CTNNBL1: variants seen among roughly 807,000 people sequenced by gnomAD.
CTNNBL1 encodes the protein beta-catenin-like protein 1.
Under a neutral mutation model 72.7 loss-of-function variants are expected in CTNNBL1, and 31 were observed. The observed-to-expected ratio is 0.43, with a 90% confidence interval of 0.32 to 0.58. The LOEUF (loss-of-function observed/expected upper bound fraction) is 0.58. Among genes scored for constraint, CTNNBL1 ranks in the 20% least tolerant of loss-of-function variants. CTNNBL1 has a pLI of 0.08. For missense variants in CTNNBL1, 534 were observed against 725.1 expected (o/e 0.74, Z 3.03); for synonymous variants, 240 against 267.3 (o/e 0.90, Z 1.00).
Position 37,738,101 on chromosome 20 carries a change from T to C in CTNNBL1, c.326+617T>C, listed in dbSNP as rs540757587. Among the ~76,000 whole-genome samples, 5 of 152,322 alleles carry C rather than the reference T, an allele frequency of 3.3e-5. No homozygotes were observed. The East Asian group carries it at 5.8e-4, about 18-fold the overall frequency. On this transcript the variant is annotated intron_variant, in intron 3 of 15. Coordinates refer to ENST00000361383, the MANE Select transcript of CTNNBL1 (RefSeq NM_030877.5). ...AGCCCCGCAGTTAACATATTAACTC[T>C]CCTGCATTATTCTTTTCAGTGCCCA...
rs376636685 is a variant in CTNNBL1 at position 37,872,031 on chromosome 20, G to A, written c.*18G>A. On this transcript the variant is annotated 3_prime_UTR_variant, in exon 16 of 16. Coordinates refer to ENST00000361383, the MANE Select transcript of CTNNBL1 (RefSeq NM_030877.5). Reference sequence around the variant, plus strand: ...ACTTCTAGAGGCACCTTGGCCCTGCGCATCATGGACTCTCTCAGCTTCCCT... The same window carrying A: ...ACTTCTAGAGGCACCTTGGCCCTGCACATCATGGACTCTCTCAGCTTCCCT... 58 of 1,599,278 alleles carry A rather than the reference G, an allele frequency of 3.6e-5. No homozygotes were observed. Among genetic ancestry groups the A allele is most frequent in the Middle Eastern group, 1.7e-4 (1 of 6,038 alleles).
intron 10 of CTNNBL1, among the ~76,000 whole-genome samples, chr20:37,802,641 A>G (rs1024498900): frequency 6.6e-6 from 1 of 152,128 alleles, no homozygotes; most frequent in African/African-American, 2.4e-5. Context: ...TTCATGTGTA[A>G]TTGTGGTAAT....
At chr20:37,794,700 C>A (rs1470491111) in intron 10 of CTNNBL1, among the ~76,000 whole-genome samples, 1 of 151,646 alleles carries the variant, frequency 6.6e-6, no homozygotes, top group African/African-American at 2.4e-5. Flanking sequence ...CGGGGTCTCA[C>A]CATGTTGGCC....
intron 1 of CTNNBL1, among the ~76,000 whole-genome samples, chr20:37,724,339 A>C (rs1257552523): frequency 6.6e-6 from 1 of 152,210 alleles, no homozygotes; most frequent in Non-Finnish European, 1.5e-5. Context: ...AGGAAGAAAT[A>C]AGAAGGATTG....
intron 13 of CTNNBL1, among the ~76,000 whole-genome samples, chr20:37,844,856 G>A (rs1409030269): frequency 3.3e-5 from 5 of 152,198 alleles, no homozygotes; most frequent in South Asian, 2.1e-4. Context: ...GCTGAGGCAC[G>A]AGAGTCACTT....
intron 11 of CTNNBL1, among the ~76,000 whole-genome samples, chr20:37,827,398 T>C (rs1387220998): frequency 6.6e-6 from 1 of 152,176 alleles, no homozygotes; most frequent in East Asian, 1.9e-4. Flanking sequence ...ATCTTATAAT[T>C]GAACTGAGAG....
At chr20:37,825,124 G>A (rs1431205221) in intron 11 of CTNNBL1, among the ~76,000 whole-genome samples, 3 of 151,844 alleles carry the variant, frequency 2.0e-5, no homozygotes, top group South Asian at 2.1e-4. Context: ...AGACCAAGGC[G>A]GGCAGATCAC....
chr20:37,809,993 G>A (rs1455930050), intron 11 of CTNNBL1, among the ~76,000 whole-genome samples: 2 of 152,050 alleles, frequency 1.3e-5, no homozygotes, highest in East Asian at 1.9e-4. Context: ...AGGCTGCTCA[G>A]CATCTGTCCT....
At chr20:37,854,480 A>G (rs2072421550) in intron 13 of CTNNBL1, among the ~76,000 whole-genome samples, 1 of 151,754 alleles carries the variant, frequency 6.6e-6, no homozygotes, top group South Asian at 2.1e-4. Context: ...GCCACCCACT[A>G]GCCTTGAGGA....
At chr20:37,836,466 C>T (rs2072255455) in intron 11 of CTNNBL1, among the ~76,000 whole-genome samples, 2 of 152,198 alleles carry the variant, frequency 1.3e-5, no homozygotes, top group Admixed American at 6.5e-5. Flanking sequence ...AATGTTCTCT[C>T]CTTTTCTCTG....
At chr20:37,722,534 A>G (rs2073050119) in intron 1 of CTNNBL1, among the ~76,000 whole-genome samples, 1 of 151,992 alleles carries the variant, frequency 6.6e-6, no homozygotes, top group African/African-American at 2.4e-5. Flanking sequence ...AGTCTGTTGT[A>G]TATACAGGGC....
intron 1 of CTNNBL1, among the ~76,000 whole-genome samples, chr20:37,732,339 G>C (rs912064154): frequency 3.3e-5 from 5 of 152,198 alleles, no homozygotes; most frequent in African/African-American, 1.2e-4. Flanking sequence ...TGTACTATTT[G>C]TGAGTAACTG....
intron 7 of CTNNBL1, among the ~76,000 whole-genome samples, chr20:37,776,327 G>C (rs2073572995): frequency 6.6e-6 from 1 of 152,174 alleles, no homozygotes; most frequent in African/African-American, 2.4e-5. Context: ...TGCTTGATTA[G>C]GTACAACTCT....
At chr20:37,723,799 T>G (rs573536618) in intron 1 of CTNNBL1, among the ~76,000 whole-genome samples, 1 of 152,302 alleles carries the variant, frequency 6.6e-6, no homozygotes, top group Non-Finnish European at 1.5e-5. Context: ...AATTATGAAC[T>G]TTGGCTGATG....
Position 37,859,928 on chromosome 20 carries a change from C to T in CTNNBL1, c.1422C>T (p.Asp474=). 6.2e-7 allele frequency: 1 copy of T among 1,614,186 alleles called. No homozygotes were observed. Among genetic ancestry groups the T allele is most frequent in the Non-Finnish European group, 8.5e-7 (1 of 1,180,024 alleles). The change falls in exon 14 of 16, where the codon GAC becomes GAT. Residue 474 remains aspartate (D), a synonymous_variant. Coordinates refer to ENST00000361383, the MANE Select transcript of CTNNBL1 (RefSeq NM_030877.5). Reference sequence around the variant, plus strand: ...TGGTCCGGCGAGGAGAGATCATCGACAATGACACCGAGGAGGAGTTCTACC... The same window carrying T: ...TGGTCCGGCGAGGAGAGATCATCGATAATGACACCGAGGAGGAGTTCTACC... ...HDMVRRGEII[D]NDTEEEFYLR...
At chr20:37,719,307 A>G (rs1470844686) in intron 1 of CTNNBL1, among the ~76,000 whole-genome samples, 2 of 152,116 alleles carry the variant, frequency 1.3e-5, no homozygotes, top group Non-Finnish European at 2.9e-5. Flanking sequence ...TGGTGATTTC[A>G]TTGGTTTAAC....
chr20:37,758,725 G>T (rs957476664), intron 5 of CTNNBL1, among the ~76,000 whole-genome samples: 1 of 152,300 alleles, frequency 6.6e-6, no homozygotes, highest in East Asian at 1.9e-4. Context: ...TGTTTCTCTT[G>T]TCTTTTCTCT....
intron 4 of CTNNBL1, among the ~76,000 whole-genome samples, chr20:37,752,327 T>C (rs1305508721): frequency 6.6e-6 from 1 of 152,194 alleles, no homozygotes; most frequent in African/African-American, 2.4e-5. Flanking sequence ...TTGTGCCAGC[T>C]GCTTTAAAAG....
chr20:37,771,207 T>C (rs538406719), intron 7 of CTNNBL1, among the ~76,000 whole-genome samples: 12 of 152,334 alleles, frequency 7.9e-5, no homozygotes, highest in African/African-American at 2.6e-4. Flanking sequence ...AGCTGGGGGT[T>C]TGTATTAAGA....
Sources: gnomAD v4.1 joint callset for allele counts (sites outside exome capture counted in the v4.1 genomes callset) on GRCh38, gnomAD v4.1.1 for gene constraint, MANE v1.5 for transcripts, NCBI Gene and HGNC (gene_info 2026-07-23, HGNC 2026-07-21) for gene names.